PATJ: variants seen among roughly 807,000 people sequenced by gnomAD.
The protein encoded by PATJ is PATJ crumbs cell polarity complex component, also known as inaD-like protein.
PATJ carries 190 observed loss-of-function variants against 224.9 expected under a neutral mutation model. The observed-to-expected ratio is 0.84, with a 90% confidence interval of 0.75 to 0.95. PATJ has a LOEUF of 0.95. Ranked by LOEUF, PATJ falls within the 40% of genes least tolerant of loss-of-function variation. The pLI, the probability that PATJ is intolerant of heterozygous loss-of-function variation, is 0.00. For missense variants in PATJ, 2,121 were observed against 2,270.3 expected (o/e 0.93, Z 1.34); for synonymous variants, 769 against 820.3 (o/e 0.94, Z 1.07).
At chr1:61,780,932 A>G (rs1172060662) in intron 7 of PATJ, among the ~76,000 whole-genome samples, 1 of 152,206 alleles carries the variant, frequency 6.6e-6, no homozygotes, top group Non-Finnish European at 1.5e-5. Flanking sequence ...GGTAGAGGGT[A>G]TGCTTGTCAT....
intron 25 of PATJ, among the ~76,000 whole-genome samples, chr1:61,913,897 A>G (rs530895483): frequency 4.6e-5 from 7 of 152,176 alleles, no homozygotes; most frequent in South Asian, 2.1e-4. Flanking sequence ...CTAAAACTCT[A>G]TCTTGCAAAA....
Position 61,943,400 on chromosome 1 carries a change from T to G in PATJ, c.3670+15571T>G, listed in dbSNP as rs946564661. Among the ~76,000 whole-genome samples, 18 of 152,154 alleles carry G rather than the reference T, an allele frequency of 1.2e-4. 1 individual carries two copies. The highest frequency in any genetic ancestry group is 2.1e-4 in the Non-Finnish European group (14 of 68,020). ...AATCGGGACACTCCCACCCTAATACTGCGCTTTTCCAACAGCTTTAGCAAA... is the reference window on the plus strand; with the variant it reads ...AATCGGGACACTCCCACCCTAATACGGCGCTTTTCCAACAGCTTTAGCAAA... On this transcript the variant is annotated intron_variant, in intron 27 of 43. Transcript: ENST00000642238.
At chr1:62,135,782 A>C (rs140862522) in intron 41 of PATJ, among the ~76,000 whole-genome samples, 140 of 152,310 alleles carry the variant, frequency 9.2e-4, no homozygotes, top group African/African-American at 3.3e-3. Flanking sequence ...TAAAGTGTCT[A>C]ATAAATACAG....
At chr1:62,141,081 A>G (rs1368444097) in intron 41 of PATJ, among the ~76,000 whole-genome samples, 4 of 152,016 alleles carry the variant, frequency 2.6e-5, no homozygotes, top group African/African-American at 9.7e-5. Flanking sequence ...TGCCAAGCAC[A>G]TGCCATCATG....
At chr1:62,000,011 C>A (rs1352979763) in intron 28 of PATJ, among the ~76,000 whole-genome samples, 2 of 151,860 alleles carry the variant, frequency 1.3e-5, no homozygotes, top group Non-Finnish European at 2.9e-5. Flanking sequence ...CTCTCAGCCT[C>A]CTGAGTAGCT....
intron 15 of PATJ, among the ~76,000 whole-genome samples, chr1:61,825,897 C>G (rs1267001454): frequency 6.6e-6 from 1 of 152,142 alleles, no homozygotes; most frequent in Non-Finnish European, 1.5e-5. Flanking sequence ...AGTTACTACC[C>G]ATTTAGTTGA....
intron 6 of PATJ, among the ~76,000 whole-genome samples, chr1:61,771,854 G>A (rs1178477056): frequency 6.6e-6 from 1 of 151,618 alleles, no homozygotes; most frequent in African/African-American, 2.4e-5. Context: ...CGAGTAGCTG[G>A]GACTACAGGC....
chr1:61,780,454 G>A (rs985188122), intron 7 of PATJ, among the ~76,000 whole-genome samples: 2 of 152,134 alleles, frequency 1.3e-5, no homozygotes, highest in Admixed American at 6.5e-5. Flanking sequence ...GACAGAGCAA[G>A]ACTCTTTCTC....
In PATJ at chr1:61,914,676, C is replaced by T. The variant is rs72914032; in HGVS notation, c.3570+12C>T. 0.01 allele frequency: 15,284 copies of T among 1,490,136 alleles called. 1,116 individuals are homozygous for T. In the African/African-American group the frequency reaches 0.17, roughly 16 times the overall value. The allele number at this position is 1,490,136 out of a possible 1,614,324, so 92.3% of individuals were successfully genotyped here. ...AAAAGAAAGAAAAGGTAACTTGAAC[C>T]TCTCAAGGATTTAAAAAATGTTTTT... On this transcript the variant is annotated intron_variant, in intron 26 of 43. Coordinates refer to ENST00000642238, the MANE Select transcript of PATJ (RefSeq NM_001350145.3).
At chr1:62,114,871 G>C (rs530408870) in intron 35 of PATJ, 77 of 150,750 alleles carry the variant, frequency 5.1e-4, no homozygotes, top group Non-Finnish European at 9.9e-4. Context: ...CACTGCACTT[G>C]AGCCTCTTGG....
intron 27 of PATJ, among the ~76,000 whole-genome samples, chr1:61,959,780 C>T (rs1193164007): frequency 6.6e-6 from 1 of 151,942 alleles, no homozygotes; most frequent in Non-Finnish European, 1.5e-5. Flanking sequence ...CAACACAGTC[C>T]TTTGTACATA....
At chr1:62,015,902 C>A (rs1018337549) in intron 28 of PATJ, among the ~76,000 whole-genome samples, 1 of 152,080 alleles carries the variant, frequency 6.6e-6, no homozygotes, top group Non-Finnish European at 1.5e-5. Context: ...CTCCTGGCCT[C>A]CAGTGATCCA....
rs138172062 is a variant in PATJ, at chr1:61,947,220, C to T, written c.3670+19391C>T. On this transcript the variant is annotated intron_variant, in intron 27 of 43. Transcript: ENST00000642238. The stretch of plus-strand genomic sequence containing the variant: ...ATAGTGTTAGAAGTTCTGGCCAGGG[C>T]AATCAGGCAGGAGAAAGAAATAAAG... Among the ~76,000 whole-genome samples the T allele has an allele frequency of 4.5e-3, 692 of 152,260 alleles. 4 individuals are homozygous for T. The highest frequency in any genetic ancestry group is 0.015 in the African/African-American group (633 of 41,542).
chr1:61,751,347 G>A (rs796338968), intron 1 of PATJ, among the ~76,000 whole-genome samples: 5 of 152,124 alleles, frequency 3.3e-5, no homozygotes, highest in African/African-American at 7.2e-5. Flanking sequence ...GTGTACAGTC[G>A]GCAGTGCGGG....
chr1:61,745,027 G>A (rs563752171), intron 1 of PATJ, among the ~76,000 whole-genome samples: 55 of 152,260 alleles, frequency 3.6e-4, no homozygotes, highest in Non-Finnish European at 6.6e-4. Context: ...CACCCTCCAG[G>A]AACCTCCATG....
At chr1:61,754,006 A>G (rs1645479622) in intron 1 of PATJ, among the ~76,000 whole-genome samples, 1 of 152,212 alleles carries the variant, frequency 6.6e-6, no homozygotes, top group Admixed American at 6.5e-5. Context: ...TCCTTCAATC[A>G]CATTCTACAG....
At chr1:62,102,479 A>G (rs1267658269) in intron 33 of PATJ, among the ~76,000 whole-genome samples, 1 of 152,174 alleles carries the variant, frequency 6.6e-6, no homozygotes, top group Admixed American at 6.5e-5. Flanking sequence ...TTTGTCTTAG[A>G]AAAAAATCAT....
Position 61,818,769 on chromosome 1 carries a change from G to A in PATJ, c.1684-4176G>A, listed in dbSNP as rs144122229. Reference sequence around the variant, plus strand: ...AGATACCTGGGGGAATAGCCTAGAAGGCACAGCCCATGTCTGGAGGGCACG... The same window carrying A: ...AGATACCTGGGGGAATAGCCTAGAAAGCACAGCCCATGTCTGGAGGGCACG... On this transcript the variant is annotated intron_variant, in intron 14 of 43. Transcript: ENST00000642238. 3.8e-3 allele frequency among the ~76,000 whole-genome samples: 584 copies of A among 152,258 alleles called. 2 individuals carry two copies. The highest frequency in any genetic ancestry group is 7.1e-3 in the Admixed American group (109 of 15,284).
chr1:62,016,523 G>C (rs1202774711), intron 28 of PATJ, among the ~76,000 whole-genome samples: 2 of 152,178 alleles, frequency 1.3e-5, no homozygotes, highest in Non-Finnish European at 2.9e-5. Context: ...ACTTTTTAAA[G>C]AGATAGAAGG....
Sources: allele counts gnomAD v4.1 joint callset (sites outside exome capture counted in the v4.1 genomes callset), GRCh38; gene constraint gnomAD v4.1.1; transcripts MANE v1.5; gene names NCBI Gene and HGNC (gene_info 2026-07-23, HGNC 2026-07-21).